CCNY: variants seen among roughly 807,000 people sequenced by gnomAD.
CCNY encodes cyclin-Y.
A neutral mutation model predicts 42.8 loss-of-function variants in CCNY; 19 were observed. The observed-to-expected ratio is 0.44, with a 90% confidence interval of 0.31 to 0.65. CCNY has a LOEUF of 0.65. Among genes scored for constraint, CCNY ranks in the 30% least tolerant of loss-of-function variants. CCNY has a pLI of 0.07. For missense variants in CCNY, 370 were observed against 437.3 expected, an observed-to-expected ratio of 0.85 and a Z score of 1.37; for synonymous variants, 165 against 162.7, an observed-to-expected ratio of 1.01 and a Z score of -0.11.
intron 8 of CCNY, among the ~76,000 whole-genome samples, chr10:35,557,270 T>C (rs1841379305): frequency 6.6e-6 from 1 of 152,218 alleles, no homozygotes; most frequent in Admixed American, 6.5e-5. Context: ...AATTTTACAT[T>C]GCTGCTTTTT....
intron 3 of CCNY, among the ~76,000 whole-genome samples, chr10:35,280,907 G>T (rs544049241): frequency 6.6e-6 from 1 of 152,200 alleles, no homozygotes; most frequent in African/African-American, 2.4e-5. Flanking sequence ...ATACTAAAAA[G>T]ACATACAATC....
At chr10:35,511,600 C>T (rs1840326500) in intron 3 of CCNY, among the ~76,000 whole-genome samples, 1 of 152,174 alleles carries the variant, frequency 6.6e-6, no homozygotes, top group Non-Finnish European at 1.5e-5. Flanking sequence ...GCTTTAAGCT[C>T]TGGTGTCTTA....
intron 3 of CCNY, among the ~76,000 whole-genome samples, chr10:35,262,926 A>G (rs538552803): frequency 3.3e-5 from 2 of 60,350 alleles, no homozygotes; most frequent in South Asian, 4.7e-4. Context: ...TTCTAAAAGG[A>G]AAAAAAAAAG....
intron 3 of CCNY, among the ~76,000 whole-genome samples, chr10:35,503,525 A>G: frequency 6.6e-6 from 1 of 152,190 alleles, no homozygotes; most frequent in East Asian, 1.9e-4. Flanking sequence ...CTGCAGATTC[A>G]ATTAGGCTAA....
intron 8 of CCNY, among the ~76,000 whole-genome samples, chr10:35,565,289 A>G (rs900937942): frequency 5.3e-5 from 8 of 152,104 alleles, no homozygotes; most frequent in African/African-American, 1.4e-4. Flanking sequence ...GCCCGGGGCA[A>G]GAGCCTCAGC....
intron 1 of CCNY, among the ~76,000 whole-genome samples, chr10:35,351,569 T>C (rs1265452566): frequency 1.3e-5 from 2 of 152,196 alleles, no homozygotes; most frequent in African/African-American, 4.8e-5. Context: ...TTGCACAAAA[T>C]AAAAATATGG....
rs11010207 is a variant in CCNY at position 35,473,823 on chromosome 10, C to G, written c.155-9581C>G. Among the ~76,000 whole-genome samples the G allele has an allele frequency of 4.4e-3, 663 of 152,282 alleles. 2 individuals carry two copies. The highest frequency in any genetic ancestry group is 7.2e-3 in the Non-Finnish European group (488 of 68,028). On this transcript the variant is annotated intron_variant, in intron 1 of 9. Transcript: ENST00000374704. ...ATGGCCGAATAGGAACAGCTCCTGT[C>G]TACAGCTCCCAGCCTGAGCGACGCA...
At chr10:35,496,099 T>C (rs144626257) in intron 2 of CCNY, among the ~76,000 whole-genome samples, 1 of 152,280 alleles carries the variant, frequency 6.6e-6, no homozygotes, top group Non-Finnish European at 1.5e-5. Flanking sequence ...TGGAGCTATC[T>C]CAGCAATCAG....
At chr10:35,460,910 A>G (rs1839144403) in intron 1 of CCNY, among the ~76,000 whole-genome samples, 1 of 152,090 alleles carries the variant, frequency 6.6e-6, no homozygotes, top group Admixed American at 6.5e-5. Context: ...AGGATACAGT[A>G]TTTGTAATCA....
chr10:35,488,812 C>T (rs1015339825), intron 2 of CCNY, among the ~76,000 whole-genome samples: 2 of 152,148 alleles, frequency 1.3e-5, no homozygotes, highest in African/African-American at 4.8e-5. Flanking sequence ...TGATACCCAC[C>T]TTCAGTCCTT....
intron 8 of CCNY, among the ~76,000 whole-genome samples, chr10:35,563,874 A>C (rs2135462982): frequency 7.2e-6 from 1 of 138,570 alleles, no homozygotes; most frequent in Non-Finnish European, 1.5e-5. Flanking sequence ...ATGCCTGACT[A>C]ATTTTTTTTT....
At chr10:35,503,050 A>G (rs1840142360) in intron 3 of CCNY, among the ~76,000 whole-genome samples, 1 of 152,144 alleles carries the variant, frequency 6.6e-6, no homozygotes, top group South Asian at 2.1e-4. Flanking sequence ...GTGCTCCCAC[A>G]GTTCTAACCT....
intron 1 of CCNY, among the ~76,000 whole-genome samples, chr10:35,471,228 G>A (rs570827468): frequency 2.0e-5 from 3 of 152,108 alleles, no homozygotes; most frequent in Admixed American, 6.6e-5. Context: ...AGTTTGGGGC[G>A]TGGCAGTGCA....
At chr10:35,513,998 C>T (rs1279426451) in intron 3 of CCNY, among the ~76,000 whole-genome samples, 1 of 144,386 alleles carries the variant, frequency 6.9e-6, no homozygotes, top group Non-Finnish European at 1.5e-5. Flanking sequence ...AGAGGCCGAG[C>T]ATCAGTCAGT....
intron 3 of CCNY, among the ~76,000 whole-genome samples, chr10:35,507,331 G>T (rs1357619582): frequency 6.6e-6 from 1 of 152,138 alleles, no homozygotes; most frequent in Non-Finnish European, 1.5e-5. Context: ...CAAACTTACA[G>T]AATGATTTTA....
chr10:35,452,770 T>TAAAAAAAAAAAAAAAAA (rs35849411), intron 1 of CCNY, among the ~76,000 whole-genome samples: 3 of 115,914 alleles, frequency 2.6e-5, no homozygotes, highest in Non-Finnish European at 3.7e-5. Flanking sequence ...TATAGAAAAG[T>TAAAAAAAAAAAAAAAAA]AAAAAAAAAA....
intron 3 of CCNY, among the ~76,000 whole-genome samples, chr10:35,264,951 GTGTTTT>G (rs1315530456): frequency 6.6e-6 from 1 of 152,176 alleles, no homozygotes; most frequent in Non-Finnish European, 1.5e-5. Flanking sequence ...TTTAGTGGTG[GTGTTTT>G]TGTTTTTGTT....
intron 1 of CCNY, among the ~76,000 whole-genome samples, chr10:35,406,855 G>A (rs971253018): frequency 2.0e-5 from 3 of 151,836 alleles, no homozygotes; most frequent in African/African-American, 7.3e-5. Context: ...GGCCGGGCGG[G>A]GGGCTGACCC....
At chr10:35,388,527 AG>A (rs1463138840) in intron 1 of CCNY, among the ~76,000 whole-genome samples, 1 of 152,182 alleles carries the variant, frequency 6.6e-6, no homozygotes, top group Non-Finnish European at 1.5e-5. Context: ...TTTTGCACCC[AG>A]CTTTAGGTTT....
Sources: gnomAD v4.1 joint callset for allele counts (sites outside exome capture counted in the v4.1 genomes callset) on GRCh38, gnomAD v4.1.1 for gene constraint, MANE v1.5 for transcripts, NCBI Gene and HGNC (gene_info 2026-07-23, HGNC 2026-07-21) for gene names.